Variants in ATP2C1 observed in about 807,000 individuals in gnomAD.
The protein encoded by ATP2C1 is ATPase secretory pathway Ca2+ transporting 1.
A neutral mutation model predicts 120.5 loss-of-function variants in ATP2C1; 31 were observed. The ratio of observed to expected loss-of-function variants is 0.26; its 90% CI spans 0.19 to 0.35. The LOEUF is 0.35. ATP2C1 is among the 10% of genes least tolerant of loss of function. The pLI is 1.00. For synonymous variants in ATP2C1, 351 were observed against 358.7 expected (o/e 0.98, Z 0.24); for missense variants, 731 against 1,107.5 (o/e 0.66, Z 4.83).
At chr3:130,986,753 C>A (rs2062029519) in intron 20 of ATP2C1, among the ~76,000 whole-genome samples, 1 of 152,082 alleles carries the variant, frequency 6.6e-6, no homozygotes, top group African/African-American at 2.4e-5. Context: ...TTTTTTGTCT[C>A]ATTAGGTTAG....
chr3:130,912,928 A>C (rs928480708), intron 2 of ATP2C1, among the ~76,000 whole-genome samples: 9 of 151,656 alleles, frequency 5.9e-5, no homozygotes, highest in African/African-American at 2.2e-4. Flanking sequence ...CAGCCATAAA[A>C]AATGATGAGT....
chr3:130,929,857 C>T (rs777783836), intron 2 of ATP2C1: 3 of 184,664 alleles, frequency 1.6e-5, no homozygotes, highest in Non-Finnish European at 2.3e-5. Context: ...CCTTCACTAA[C>T]CTGTGCATCC....
intron 1 of ATP2C1, among the ~76,000 whole-genome samples, chr3:130,852,877 A>G (rs1355442580): frequency 6.6e-6 from 1 of 152,252 alleles, no homozygotes; most frequent in Non-Finnish European, 1.5e-5. Flanking sequence ...AGAAAGTACC[A>G]GAGGAAGATG....
chr3:130,938,766 G>A (rs1032276754), intron 6 of ATP2C1, among the ~76,000 whole-genome samples: 6 of 152,148 alleles, frequency 3.9e-5, no homozygotes, highest in African/African-American at 9.7e-5. Flanking sequence ...ACCTTCTTGC[G>A]TCTTTAAGAA....
intron 2 of ATP2C1, among the ~76,000 whole-genome samples, chr3:130,901,231 C>T (rs902236652): frequency 2.6e-5 from 4 of 152,082 alleles, no homozygotes; most frequent in Non-Finnish European, 4.4e-5. Flanking sequence ...AAACTAGTAT[C>T]AGATGAGAAA....
rs2057775893 is a variant in ATP2C1 at position 130,900,646 on chromosome 3, G to A, written c.6+5871G>A. ...AGTAAAAATTAAAAGTTTTGGTTAA[G>A]TTGTGAATTTCAGAAATTTATCTTG... On this transcript the variant is annotated intron_variant, in intron 2 of 27. Transcript: ENST00000510168. 2.6e-5 allele frequency among the ~76,000 whole-genome samples: 4 copies of A among 152,066 alleles called. No homozygotes were observed. The South Asian group carries it at 8.3e-4, about 31-fold the overall frequency.
At chr3:130,877,037 T>A (rs1223995368) in intron 1 of ATP2C1, among the ~76,000 whole-genome samples, 1 of 152,228 alleles carries the variant, frequency 6.6e-6, no homozygotes, top group Non-Finnish European at 1.5e-5. Flanking sequence ...GTATATAAGA[T>A]CATGTTATCT....
intron 2 of ATP2C1, among the ~76,000 whole-genome samples, chr3:130,924,586 TG>T (rs1319768649): frequency 6.6e-6 from 1 of 152,210 alleles, no homozygotes; most frequent in Non-Finnish European, 1.5e-5. Context: ...CAGGTATTTT[TG>T]AGCCTCTTGA....
At position 130,989,447 on chromosome 3, in the gene ATP2C1, C is replaced by G. The variant is rs373202164; in HGVS notation, c.1840-3504C>G. On this transcript the variant is annotated intron_variant, in intron 20 of 27. Coordinates refer to ENST00000510168, the MANE Select transcript of ATP2C1 (RefSeq NM_001378687.1). The stretch of plus-strand genomic sequence containing the variant: ...GGGCGTGGTGGTGCATGCCTGTAAT[C>G]CCAGCTACTTGGGAGGCTGAGGCAG... 2.7e-4 allele frequency among the ~76,000 whole-genome samples: 41 copies of G among 150,878 alleles called. No homozygotes were observed. The East Asian group carries it at 7.5e-3, about 27-fold the overall frequency.
chr3:130,893,086 T>C (rs1576607829), upstream of ATP2C1, among the ~76,000 whole-genome samples: 1 of 152,328 alleles, frequency 6.6e-6, no homozygotes, highest in Non-Finnish European at 1.5e-5. Flanking sequence ...CTAGTGGTTA[T>C]GGGTGTGAGA....
intron 1 of ATP2C1, among the ~76,000 whole-genome samples, chr3:130,879,202 C>T (rs1366210295): frequency 6.6e-6 from 1 of 152,134 alleles, no homozygotes; most frequent in East Asian, 1.9e-4. Context: ...GCTGGGATTA[C>T]AGGCACATGC....
intron 9 of ATP2C1, 29 bp downstream of exon 9, chr3:130,954,005 C>T (rs773144554): frequency 2.4e-5 from 39 of 1,611,502 alleles, no homozygotes; most frequent in Non-Finnish European, 3.2e-5. Flanking sequence ...TTGAAAAAAG[C>T]AGTTCCTTTG....
At chr3:130,936,201 G>A (rs1473190873) in intron 5 of ATP2C1, among the ~76,000 whole-genome samples, 2 of 151,744 alleles carry the variant, frequency 1.3e-5, no homozygotes, top group Non-Finnish European at 2.9e-5. Flanking sequence ...TTCAACAAAT[G>A]TGTGTTTTTT....
At chr3:130,860,008 G>A (rs2067964694) in intron 1 of ATP2C1, among the ~76,000 whole-genome samples, 1 of 152,176 alleles carries the variant, frequency 6.6e-6, no homozygotes, top group South Asian at 2.1e-4. Context: ...GGGGGCCACA[G>A]GGTCTTTAAT....
chr3:130,924,005 G>A (rs540254245), intron 2 of ATP2C1, among the ~76,000 whole-genome samples: 31 of 152,038 alleles, frequency 2.0e-4, no homozygotes, highest in African/African-American at 6.5e-4. Context: ...TCCTTGGTTC[G>A]TGGATTTTTA....
At chr3:130,896,588 T>C (rs2069651136) in intron 2 of ATP2C1, among the ~76,000 whole-genome samples, 1 of 152,210 alleles carries the variant, frequency 6.6e-6, no homozygotes, top group East Asian at 1.9e-4. Flanking sequence ...GCCTTTTTAT[T>C]GTTCACTTGC....
At chr3:131,004,499 CATT>C (rs543871540), downstream of ATP2C1, among the ~76,000 whole-genome samples, 16 of 152,182 alleles carry the variant, frequency 1.1e-4, no homozygotes, top group South Asian at 2.1e-4. Flanking sequence ...TGTCCATAAA[CATT>C]GTTGTAGGTT....
chr3:130,900,705 A>T (rs1039835856), intron 2 of ATP2C1, among the ~76,000 whole-genome samples: 5 of 152,218 alleles, frequency 3.3e-5, no homozygotes, highest in Non-Finnish European at 1.5e-5. Context: ...AGAATAGAGC[A>T]TTAGTACATT....
Position 131,002,047 on chromosome 3 carries a change from G to A in ATP2C1, c.*697G>A. On this transcript the variant is annotated 3_prime_UTR_variant, in exon 28 of 28. Coordinates refer to ENST00000510168, the MANE Select transcript of ATP2C1 (RefSeq NM_001378687.1). ...TTTTAAAAAGGTATGTCTTTGGTTT[G>A]GCAGAATTCATGCAGGGCTATCAAG... 1 of 985,460 alleles carries A rather than the reference G, an allele frequency of 1.0e-6. No homozygotes were observed. The highest frequency in any genetic ancestry group is 1.2e-6 in the Non-Finnish European group (1 of 829,776). 61.0% of individuals were successfully genotyped at this position (985,460 alleles called of 1,614,324 possible).
Sources: gnomAD v4.1 joint callset for allele counts (sites outside exome capture counted in the v4.1 genomes callset) on GRCh38, gnomAD v4.1.1 for gene constraint, MANE v1.5 for transcripts, NCBI Gene and HGNC (gene_info 2026-07-23, HGNC 2026-07-21) for gene names.